Variants in CCDC32 observed in about 807,000 individuals in gnomAD.
CCDC32 encodes the protein coiled-coil domain-containing protein 32.
A neutral mutation model predicts 20.1 loss-of-function variants in CCDC32; 9 were observed. The ratio of observed to expected loss-of-function variants is 0.45; its 90% CI spans 0.27 to 0.78. The LOEUF is 0.78. Among genes scored for constraint, CCDC32 ranks in the 30% least tolerant of loss-of-function variants. CCDC32 has a pLI of 0.16. For missense variants in CCDC32, 204 were observed against 215.5 expected, an observed-to-expected ratio of 0.95 and a Z score of 0.33; for synonymous variants, 63 against 79.0, an observed-to-expected ratio of 0.80 and a Z score of 1.07.
chr15:40,543,880 A>G (rs947880971), intron 3 of CCDC32, among the ~76,000 whole-genome samples: 2 of 152,174 alleles, frequency 1.3e-5, no homozygotes, highest in Admixed American at 1.3e-4. Flanking sequence ...AGGCATGACC[A>G]CTGCAGAATA....
chr15:40,533,239 G>T (rs1039418079), downstream of CCDC32, among the ~76,000 whole-genome samples: 1 of 152,120 alleles, frequency 6.6e-6, no homozygotes, highest in Non-Finnish European at 1.5e-5. Flanking sequence ...TTGGTGTCAG[G>T]GTCGGGGGCA....
intron 3 of CCDC32, among the ~76,000 whole-genome samples, chr15:40,545,680 G>C (rs1889589573): frequency 2.6e-5 from 4 of 152,242 alleles, no homozygotes; most frequent in African/African-American, 9.6e-5. Context: ...TACCAGCAGA[G>C]AGCACAGGCA....
intron 3 of CCDC32, chr15:40,528,804 G>A (rs756396376): frequency 2.9e-6 from 2 of 698,258 alleles, no homozygotes; most frequent in Non-Finnish European, 5.2e-6. Flanking sequence ...TTAAAAAAAA[G>A]AGAAGAAAAG....
intron 3 of CCDC32, among the ~76,000 whole-genome samples, chr15:40,540,961 C>T (rs533687499): frequency 6.6e-6 from 1 of 152,268 alleles, no homozygotes; most frequent in Admixed American, 6.5e-5. Flanking sequence ...GCTGAACTCA[C>T]CCCCGGGGAG....
chr15:40,561,316 T>TA (rs1483550205), intron 2 of CCDC32, among the ~76,000 whole-genome samples: 1 of 151,444 alleles, frequency 6.6e-6, no homozygotes, highest in East Asian at 1.9e-4. Flanking sequence ...CTACTGAAAA[T>TA]ACAAAAATGA....
downstream of CCDC32, among the ~76,000 whole-genome samples, chr15:40,552,316 TA>T (rs914128732): frequency 1.1e-4 from 17 of 150,664 alleles, no homozygotes; most frequent in African/African-American, 3.7e-4. Flanking sequence ...CCAAATCTAC[TA>T]AAAAAAATAC....
chr15:40,558,321 A>G (rs1233172085), intron 2 of CCDC32, among the ~76,000 whole-genome samples: 1 of 152,144 alleles, frequency 6.6e-6, no homozygotes, highest in East Asian at 1.9e-4. Flanking sequence ...TGTTCCTGTT[A>G]TTACCACCAT....
chr15:40,542,695 C>T (rs1171711975), intron 3 of CCDC32, among the ~76,000 whole-genome samples: 5 of 151,718 alleles, frequency 3.3e-5, no homozygotes, highest in African/African-American at 1.2e-4. Context: ...GGTGAAACCC[C>T]GTCTCTACTA....
At chr15:40,564,870 T>C in intron 1 of CCDC32, 106 bp downstream of exon 1, 1 of 1,548,036 alleles carries the variant, frequency 6.5e-7, no homozygotes, top group Non-Finnish European at 8.9e-7. Context: ...TCTCTAGGGC[T>C]GTCTGGACGG....
At chr15:40,538,901 A>AC (rs1889248048), downstream of CCDC32, 1 of 335,642 alleles carries the variant, frequency 3.0e-6, no homozygotes, top group Middle Eastern at 8.9e-4. Flanking sequence ...GACCTTTAGT[A>AC]CCCACCCATG....
chr15:40,530,885 T>C (rs927686503), downstream of CCDC32, among the ~76,000 whole-genome samples: 1 of 151,396 alleles, frequency 6.6e-6, no homozygotes, highest in African/African-American at 2.4e-5. Context: ...AATTTTTGTA[T>C]TTTTTGTAGA....
chr15:40,546,027 C>G (rs1320801580), intron 3 of CCDC32, among the ~76,000 whole-genome samples: 15 of 152,156 alleles, frequency 9.9e-5, no homozygotes, highest in Admixed American at 9.8e-4. Flanking sequence ...TTTCCCCCAT[C>G]CCAGTTTCTC....
At chr15:40,524,306 G>A (rs1305053655), downstream of CCDC32, among the ~76,000 whole-genome samples, 5 of 151,682 alleles carry the variant, frequency 3.3e-5, no homozygotes, top group Non-Finnish European at 5.9e-5. Flanking sequence ...ATAGGCACCC[G>A]CCACCACGCC....
intron 2 of CCDC32, 78 bp from the exon 3 acceptor site, chr15:40,557,450 A>C: frequency 6.9e-7 from 1 of 1,454,934 alleles, no homozygotes; most frequent in African/African-American, 1.4e-5. Flanking sequence ...TCAAAATACT[A>C]ACTTAAAAAA....
intron 2 of CCDC32, among the ~76,000 whole-genome samples, chr15:40,560,290 G>A (rs921558894): frequency 6.6e-6 from 1 of 152,186 alleles, no homozygotes; most frequent in Admixed American, 6.5e-5. Flanking sequence ...TTACAGGCGT[G>A]AGCCACCGTG....
intron 3 of CCDC32, among the ~76,000 whole-genome samples, chr15:40,544,619 CAGAG>C (rs1285070579): frequency 6.6e-6 from 1 of 152,192 alleles, no homozygotes; most frequent in Non-Finnish European, 1.5e-5. Flanking sequence ...TACCAACACA[CAGAG>C]AGAGTCAACA....
At chr15:40,564,842 A>G in intron 1 of CCDC32, 134 bp downstream of exon 1, 1 of 1,608,668 alleles carries the variant, frequency 6.2e-7, no homozygotes, top group African/African-American at 1.3e-5. Context: ...TCCAGATCCC[A>G]GGCCTCAGTC....
downstream of CCDC32, among the ~76,000 whole-genome samples, chr15:40,524,987 C>G (rs1372972212): frequency 6.6e-6 from 1 of 151,206 alleles, no homozygotes; most frequent in Non-Finnish European, 1.5e-5. Context: ...CTCAGCTTCC[C>G]AAAGTGCTGG....
At chr15:40,550,670 C>T (rs938245766), downstream of CCDC32, among the ~76,000 whole-genome samples, 3 of 152,186 alleles carry the variant, frequency 2.0e-5, no homozygotes, top group African/African-American at 4.8e-5. Context: ...ATTGTTTACG[C>T]TGTCACCTCT....
Sources: gnomAD v4.1 joint callset for allele counts (sites outside exome capture counted in the v4.1 genomes callset) on GRCh38, gnomAD v4.1.1 for gene constraint, MANE v1.5 for transcripts, NCBI Gene and HGNC (gene_info 2026-07-23, HGNC 2026-07-21) for gene names.